Variants in SCAMP4 observed in about 807,000 individuals in gnomAD.
SCAMP4 encodes secretory carrier-associated membrane protein 4.
In SCAMP4, 19 loss-of-function variants were observed where a neutral mutation model predicts 32.1. That is an observed-to-expected ratio of 0.59 (90% CI 0.41 to 0.87). The LOEUF is 0.87. Among genes scored for constraint, SCAMP4 ranks in the 40% least tolerant of loss-of-function variants. The probability of loss-of-function intolerance (pLI) is 0.00; values close to 1 mark genes in which losing one functional copy is unlikely to be tolerated. For synonymous variants in SCAMP4, 152 were observed against 132.7 expected (o/e 1.15, Z -1.00); for missense variants, 302 against 309.0 (o/e 0.98, Z 0.17).
chr19:1,912,318 C>G (rs1261545718), intron 1 of SCAMP4: 2 of 1,550,652 alleles, frequency 1.3e-6, no homozygotes, highest in Admixed American at 1.9e-5. Flanking sequence ...CCAGCCTCAC[C>G]TCAAGCGGGT....
chr19:1,907,498 G>A (rs1338510177), intron 1 of SCAMP4, among the ~76,000 whole-genome samples: 8 of 152,098 alleles, frequency 5.3e-5, no homozygotes, highest in African/African-American at 1.4e-4. Context: ...GGAATTGACC[G>A]CGCTGGGCTG....
At chr19:1,921,343 G>T (rs536485991) in intron 5 of SCAMP4, 20 of 985,330 alleles carry the variant, frequency 2.0e-5, no homozygotes, top group African/African-American at 7.0e-5. Flanking sequence ...ATCTGTGGTG[G>T]CAGAGGACTG....
rs548473867 is a variant in SCAMP4, at chr19:1,921,419, G to A, written c.396-1651G>A. The A allele has an allele frequency of 1.3e-4, 129 of 984,420 alleles. No homozygotes were observed. The African/African-American group carries it at 2.0e-3, about 15-fold the overall frequency. 61.0% of individuals were successfully genotyped at this position (984,420 alleles called of 1,614,324 possible). A position where few individuals can be genotyped will look rare whatever the true frequency, so the allele number is the denominator to read the frequency against. Reference sequence around the variant, plus strand: ...TAGATGGTGAGGGTGGCCACATGGCGGCAGCCAGGTACTGAGGACACGGTG... The same window carrying A: ...TAGATGGTGAGGGTGGCCACATGGCAGCAGCCAGGTACTGAGGACACGGTG... On this transcript the variant is annotated intron_variant, in intron 5 of 6. Transcript: ENST00000316097.
rs12980570 is a variant in SCAMP4 at position 1,923,585 on chromosome 19, A to G, written c.513+398A>G. Among the ~76,000 whole-genome samples, 1,263 of 151,258 alleles carry G rather than the reference A, an allele frequency of 8.3e-3. 10 individuals are homozygous for G. Among genetic ancestry groups the G allele is most frequent in the Middle Eastern group, 0.038 (11 of 288 alleles). ...ATAGCGGAAGTGTTGAGCTGGGCTC[A>G]TAACAGAAACTTTCAGTTACAGCAA... is the stretch of plus-strand genomic sequence containing the variant. On this transcript the variant is annotated intron_variant, in intron 6 of 6. Coordinates refer to ENST00000316097, the MANE Select transcript of SCAMP4 (RefSeq NM_079834.4).
At chr19:1,920,174 A>G (rs987325345) in intron 5 of SCAMP4, 4 of 985,352 alleles carry the variant, frequency 4.1e-6, no homozygotes, top group Non-Finnish European at 4.8e-6. Context: ...AGTTGCAGAG[A>G]GTGACTGTTC....
rs1260689578 is a variant in SCAMP4 at position 1,908,532 on chromosome 19, C to T, written c.-42+3093C>T. ...AGCGGGGATGTGTAGTCCAGGCTGG[C>T]AGTTCAGGATCACCCGGCTGGAGTC... On this transcript the variant is annotated intron_variant, in intron 1 of 6. Transcript: ENST00000316097. This position sits in a 1 kb window ranked among gnomAD's most constrained non-coding sequence, Gnocchi z 4.2. The T allele has an allele frequency of 2.1e-6, 1 of 471,044 alleles. No homozygotes were observed. The highest frequency in any genetic ancestry group is 2.0e-5 in the African/African-American group (1 of 50,096). 29.2% of individuals were successfully genotyped at this position (471,044 alleles called of 1,614,324 possible). A position where few individuals can be genotyped will look rare whatever the true frequency, so the allele number is the denominator to read the frequency against.
chr19:1,924,580 C>T lies in SCAMP4; in HGVS notation c.*296C>T, dbSNP rs956803805. On this transcript the variant is annotated 3_prime_UTR_variant, in exon 7 of 7. Coordinates refer to ENST00000316097, the MANE Select transcript of SCAMP4 (RefSeq NM_079834.4). ...CCCGCCGTCCACTGCACGGCTGGTA[C>T]GGCCTTGTCTTCAGGTCTCGAGGCC... 3.6e-5 allele frequency: 15 copies of T among 418,378 alleles called. No individual in the cohort carries two copies. Among genetic ancestry groups the T allele is most frequent in the Non-Finnish European group, 5.9e-5 (13 of 221,334 alleles). The allele number at this position is 418,378 out of a possible 1,614,324, so 25.9% of individuals were successfully genotyped here.
intron 2 of SCAMP4, among the ~76,000 whole-genome samples, chr19:1,916,684 C>T (rs1404796111): frequency 6.6e-6 from 1 of 152,198 alleles, no homozygotes; most frequent in Non-Finnish European, 1.5e-5. Context: ...TCTGGAACTC[C>T]TGGGCTCCAG....
intron 1 of SCAMP4, among the ~76,000 whole-genome samples, chr19:1,910,668 C>A (rs560005349): frequency 6.6e-6 from 1 of 151,420 alleles, no homozygotes; most frequent in Admixed American, 6.6e-5. Flanking sequence ...CCTCTGCCTC[C>A]CAGGTTCAAG....
At chr19:1,913,434 C>T (rs967468361) in intron 1 of SCAMP4, 7 of 548,856 alleles carry the variant, frequency 1.3e-5, no homozygotes, top group Non-Finnish European at 2.0e-5. Flanking sequence ...GGAAAATAAA[C>T]AGCCCAAAAC....
chr19:1,910,292 C>T lies in SCAMP4; in HGVS notation c.-41-4687C>T, dbSNP rs186124551. Among the ~76,000 whole-genome samples, 728 of 152,306 alleles carry T rather than the reference C, an allele frequency of 4.8e-3. 3 individuals are homozygous for T. The highest frequency in any genetic ancestry group is 0.014 in the Middle Eastern group (4 of 294). ...TTGGCGGAATTCAGCAGCTTGCGGC[C>T]GGGGGACCAAGGGTCCTGCTCAGTT... is the stretch of plus-strand genomic sequence containing the variant. On this transcript the variant is annotated intron_variant, in intron 1 of 6. Transcript: ENST00000316097.
chr19:1,924,608 A>C lies in SCAMP4; in HGVS notation c.*324A>C. 6.4e-6 allele frequency: 2 copies of C among 314,140 alleles called. No homozygotes were observed. The highest frequency in any genetic ancestry group is 3.9e-5 in the Admixed American group (1 of 25,346). The allele number at this position is 314,140 out of a possible 1,614,324, so 19.5% of individuals were successfully genotyped here. On this transcript the variant is annotated 3_prime_UTR_variant, in exon 7 of 7. Coordinates refer to ENST00000316097, the MANE Select transcript of SCAMP4 (RefSeq NM_079834.4). ...CCTTGTCTTCAGGTCTCGAGGCCTG[A>C]CTCCGGGGGACAGGTGGCAGCAGGT...
intron 1 of SCAMP4, among the ~76,000 whole-genome samples, chr19:1,909,865 G>A (rs2013345025): frequency 6.6e-6 from 1 of 152,220 alleles, no homozygotes; most frequent in Non-Finnish European, 1.5e-5. Context: ...GGGAAGTCGG[G>A]CCCACCAGGG....
At chr19:1,915,396 C>A in intron 2 of SCAMP4, 1 of 308,330 alleles carries the variant, frequency 3.2e-6, no homozygotes. Flanking sequence ...GAGGACAGGG[C>A]CTCTTGCTGT....
Position 1,908,778 on chromosome 19 carries a change from T to C in SCAMP4, c.-42+3339T>C. 1 of 352,570 alleles carries C rather than the reference T, an allele frequency of 2.8e-6. No individual in the cohort carries two copies. Among genetic ancestry groups the C allele is most frequent in the South Asian group, 2.2e-5 (1 of 45,488 alleles). The allele number at this position is 352,570 out of a possible 1,614,324, so 21.8% of individuals were successfully genotyped here. ...TCTCCTGAGTAGCTGGGACTACATG[T>C]GCACACCACCGTGCCCAACTAATTT... On this transcript the variant is annotated intron_variant, in intron 1 of 6. Coordinates refer to ENST00000316097, the MANE Select transcript of SCAMP4 (RefSeq NM_079834.4). The surrounding 1 kb of genome is among the most constrained non-coding windows in gnomAD (Gnocchi z 4.2).
chr19:1,917,588 T>C (rs2013774234), intron 2 of SCAMP4, 106 bp from the exon 3 acceptor site: 2 of 1,263,498 alleles, frequency 1.6e-6, no homozygotes. Context: ...AACTGCAGAG[T>C]CCCTTCTGCC....
rs1336516407 is a variant in SCAMP4, at chr19:1,908,516, G to A, written c.-42+3077G>A. 2.1e-6 allele frequency: 1 copy of A among 471,176 alleles called. No individual in the cohort carries two copies. The highest frequency in any genetic ancestry group is 6.9e-5 in the East Asian group (1 of 14,398). The allele number at this position is 471,176 out of a possible 1,614,324, so 29.2% of individuals were successfully genotyped here. A position where few individuals can be genotyped will look rare whatever the true frequency, so the allele number is the denominator to read the frequency against. On this transcript the variant is annotated intron_variant, in intron 1 of 6. Coordinates refer to ENST00000316097, the MANE Select transcript of SCAMP4 (RefSeq NM_079834.4). This position sits in a 1 kb window ranked among gnomAD's most constrained non-coding sequence, Gnocchi z 4.2. ...AGGAGCCGTCCATACCAGCGGGGATGTGTAGTCCAGGCTGGCAGTTCAGGA... is the reference window on the plus strand; with the variant it reads ...AGGAGCCGTCCATACCAGCGGGGATATGTAGTCCAGGCTGGCAGTTCAGGA...
intron 1 of SCAMP4, chr19:1,912,630 C>G: frequency 6.9e-7 from 1 of 1,444,796 alleles, no homozygotes; most frequent in South Asian, 1.4e-5. Context: ...CCACATGGAG[C>G]GGGCGGTGTG....
chr19:1,920,843 C>T (rs2013895777), intron 5 of SCAMP4: 7 of 985,388 alleles, frequency 7.1e-6, no homozygotes, highest in African/African-American at 1.7e-5. Flanking sequence ...CCTGAGATCC[C>T]GGCATGAGGT....
Sources: allele counts gnomAD v4.1 joint callset (sites outside exome capture counted in the v4.1 genomes callset), GRCh38; gene constraint gnomAD v4.1.1; non-coding constraint Gnocchi (gnomAD v3.1); transcripts MANE v1.5; gene names NCBI Gene and HGNC (gene_info 2026-07-23, HGNC 2026-07-21).